Variants in PCDH11X observed in about 807,000 individuals in gnomAD.
The protein encoded by PCDH11X is protocadherin-11 X-linked.
PCDH11X carries 18 observed loss-of-function variants against 53.3 expected under a neutral mutation model. The observed-to-expected ratio is 0.34, with a 90% CI of 0.23 to 0.50. The LOEUF (loss-of-function observed/expected upper bound fraction) is 0.50, where lower values mean the gene tolerates loss of function less well. Ranked by LOEUF, PCDH11X falls within the 20% of genes least tolerant of loss-of-function variation. PCDH11X has a pLI of 0.98. For synonymous variants in PCDH11X, 279 were observed against 393.3 expected, an observed-to-expected ratio of 0.71 and a Z score of 3.44; for missense variants, 570 against 1,032.4, an observed-to-expected ratio of 0.55 and a Z score of 6.14.
In PCDH11X at chrX:92,406,293, TA is replaced by T. The variant is rs1288705159; in HGVS notation, c.3343+18361del. 1.2e-4 allele frequency among the ~76,000 whole-genome samples: 13 copies of T among 107,456 alleles called. No homozygotes were observed. In the East Asian group the frequency reaches 3.5e-3, roughly 29 times the overall value. 93.3% of individuals were successfully genotyped at this position (107,456 alleles called of 115,157 possible). ...TTTTCTACATTAAAAAGAATAGATA[TA>T]TCTCATTATTTTAGCGGTGGCATGG... On this transcript the variant is annotated intron_variant, in intron 9 of 10. Coordinates refer to ENST00000682573, the MANE Select transcript of PCDH11X (RefSeq NM_032968.5).
intron 10 of PCDH11X, among the ~76,000 whole-genome samples, chrX:92,610,270 G>C (rs1927234465): frequency 9.0e-6 from 1 of 110,771 alleles, no homozygotes; most frequent in Non-Finnish European, 1.9e-5. Flanking sequence ...TTGTTTTTTG[G>C]CTTTTTAATA....
At chrX:92,370,740 G>T (rs2070601954) in intron 8 of PCDH11X, among the ~76,000 whole-genome samples, 1 of 111,726 alleles carries the variant, frequency 9.0e-6, no homozygotes, top group Non-Finnish European at 1.9e-5. Context: ...TTACAGGCGT[G>T]AGCCACTGCG....
At chrX:91,994,775 G>T (rs1444614537) in intron 6 of PCDH11X, among the ~76,000 whole-genome samples, 1 of 111,057 alleles carries the variant, frequency 9.0e-6, no homozygotes, top group Non-Finnish European at 1.9e-5. Context: ...AGTTTACAAG[G>T]GTTCCCTATT....
chrX:92,257,010 A>G (rs752443414), intron 7 of PCDH11X, among the ~76,000 whole-genome samples: 29 of 111,614 alleles, frequency 2.6e-4, no homozygotes, highest in Non-Finnish European at 5.1e-4. Flanking sequence ...TTTATAAGGA[A>G]AGAAGTTAAA....
chrX:92,622,532 T>G lies in PCDH11X; in HGVS notation c.*3592T>G, dbSNP rs1928586706. 9.0e-6 allele frequency: 1 copy of G among 111,224 alleles called. No individual in the cohort carries two copies. Among genetic ancestry groups the G allele is most frequent in the Non-Finnish European group, 1.9e-5 (1 of 52,911 alleles). 9.2% of individuals were successfully genotyped at this position (111,224 alleles called of 1,213,427 possible). A position where few individuals can be genotyped will look rare whatever the true frequency, so the allele number is the denominator to read the frequency against. ...TATTTTTTATTATAATTATTATTTC[T>G]TATCTTTCTTCTTTTATATTTTTTG... On this transcript the variant is annotated 3_prime_UTR_variant, in exon 11 of 11. Coordinates refer to ENST00000682573, the MANE Select transcript of PCDH11X (RefSeq NM_032968.5).
At chrX:92,605,745 C>T in intron 10 of PCDH11X, among the ~76,000 whole-genome samples, 1 of 111,541 alleles carries the variant, frequency 9.0e-6, no homozygotes, top group East Asian at 2.8e-4. Flanking sequence ...AAATAAAATG[C>T]TTAGAAATAA....
chrX:92,180,819 T>C (rs1245357344), intron 6 of PCDH11X, among the ~76,000 whole-genome samples: 1 of 111,748 alleles, frequency 8.9e-6, no homozygotes, highest in African/African-American at 3.3e-5. Flanking sequence ...CGCCATGATT[T>C]TGAGGCCTCT....
intron 6 of PCDH11X, among the ~76,000 whole-genome samples, chrX:91,902,560 G>A (rs113724822): frequency 0.02 from 2,149 of 106,402 alleles, 74 homozygotes; most frequent in African/African-American, 0.071. Flanking sequence ...TACTCTCTCT[G>A]TTGTTTTATA....
chrX:92,274,780 C>A lies in PCDH11X; in HGVS notation c.3144+11637C>A, dbSNP rs752772396. 6.3e-5 allele frequency among the ~76,000 whole-genome samples: 7 copies of A among 110,933 alleles called. No homozygotes were observed. In the East Asian group the frequency reaches 1.7e-3, roughly 27 times the overall value. On this transcript the variant is annotated intron_variant, in intron 8 of 10. Transcript: ENST00000682573. The stretch of plus-strand genomic sequence containing the variant: ...TGGCTTGTACTATAGCATAGCCTGC[C>A]TTTGCTGGTGTGTGGCGATAAGGCC...
intron 10 of PCDH11X, among the ~76,000 whole-genome samples, chrX:92,615,357 G>A (rs1275527058): frequency 2.7e-5 from 3 of 111,494 alleles, no homozygotes; most frequent in Non-Finnish European, 5.7e-5. Flanking sequence ...GGAACGGAGA[G>A]GGCCCTGCTA....
At chrX:92,495,890 G>A (rs1236105502) in intron 10 of PCDH11X, among the ~76,000 whole-genome samples, 1 of 105,174 alleles carries the variant, frequency 9.5e-6, no homozygotes, top group Non-Finnish European at 1.9e-5. Flanking sequence ...ATCTCCCACC[G>A]AGTCCCTCCC....
intron 10 of PCDH11X, among the ~76,000 whole-genome samples, chrX:92,574,563 T>G (rs1405134161): frequency 9.0e-6 from 1 of 110,829 alleles, no homozygotes; most frequent in Non-Finnish European, 1.9e-5. Flanking sequence ...AGGAGAGCAA[T>G]AATTCATTTT....
intron 7 of PCDH11X, among the ~76,000 whole-genome samples, chrX:92,235,958 C>T (rs1045599751): frequency 1.8e-5 from 2 of 111,020 alleles, no homozygotes; most frequent in African/African-American, 6.5e-5. Flanking sequence ...GATAAGATGG[C>T]CTAATCAACT....
intron 7 of PCDH11X, among the ~76,000 whole-genome samples, chrX:92,253,921 C>T (rs867635806): frequency 2.7e-5 from 3 of 111,925 alleles, no homozygotes; most frequent in Admixed American, 9.5e-5. Flanking sequence ...TTTGGTTCCC[C>T]TTTATTTCTT....
chrX:91,970,188 A>G (rs2061934585), intron 6 of PCDH11X, among the ~76,000 whole-genome samples: 1 of 111,126 alleles, frequency 9.0e-6, no homozygotes, highest in Non-Finnish European at 1.9e-5. Context: ...TGCGGACCCA[A>G]AAAGTGAGCA....
At chrX:91,875,288 T>C (rs1225838675) in intron 5 of PCDH11X, among the ~76,000 whole-genome samples, 1 of 90,724 alleles carries the variant, frequency 1.1e-5, no homozygotes, top group Non-Finnish European at 2.2e-5. Context: ...TTTTTTTTTT[T>C]TTTTTTTTTT....
chrX:92,600,400 T>G (rs1048195691), intron 10 of PCDH11X, among the ~76,000 whole-genome samples: 3 of 110,876 alleles, frequency 2.7e-5, no homozygotes. Flanking sequence ...TGCCCTGCAT[T>G]ACAGCCATGG....
At chrX:92,224,812 T>C (rs67756550) in intron 7 of PCDH11X, among the ~76,000 whole-genome samples, 18,679 of 111,759 alleles carry the variant, frequency 0.17, 1,324 homozygotes, top group Admixed American at 0.29. Flanking sequence ...AAAACAACTA[T>C]AGCAACCTTT....
intron 6 of PCDH11X, among the ~76,000 whole-genome samples, chrX:91,913,091 C>T (rs756346554): frequency 1.8e-5 from 2 of 111,491 alleles, no homozygotes; most frequent in East Asian, 5.7e-4. Flanking sequence ...CTGACTATAT[C>T]TCACAGGGGC....
Sources: gnomAD v4.1 joint callset for allele counts (sites outside exome capture counted in the v4.1 genomes callset) on GRCh38, gnomAD v4.1.1 for gene constraint, MANE v1.5 for transcripts, NCBI Gene and HGNC (gene_info 2026-07-23, HGNC 2026-07-21) for gene names.